The following NCOA3 variants were observed in gnomAD, a reference collection of about 807,000 sequenced individuals.
NCOA3 encodes the protein CBP-interacting protein.
In NCOA3, 51 loss-of-function variants were observed where a neutral mutation model predicts 158.8. That is an observed-to-expected ratio of 0.32 (90% CI 0.26 to 0.41). NCOA3 has a LOEUF of 0.41. Ranked by LOEUF, NCOA3 falls within the 10% of genes least tolerant of loss-of-function variation. The pLI, the probability that NCOA3 is intolerant of heterozygous loss-of-function variation, is 1.00. For missense variants in NCOA3, 1,510 were observed against 1,746.6 expected (o/e 0.86, Z 2.41); for synonymous variants, 537 against 592.4 (o/e 0.91, Z 1.36).
intron 1 of NCOA3, among the ~76,000 whole-genome samples, chr20:47,516,047 G>T (rs2146068187): frequency 6.6e-6 from 1 of 152,300 alleles, no homozygotes; most frequent in South Asian, 2.1e-4. Context: ...AGGAAAGAAT[G>T]AGTAGACAGA....
chr20:47,635,714 G>GT lies in NCOA3; in HGVS notation c.1504+2dup. On this transcript the variant is annotated splice_donor_variant, in intron 11 of 22. Transcript: ENST00000371998. LOFTEE classifies it high-confidence loss of function. ...TCACATCAGTTTTCTCCTGTTGCAG[G>GT]TATTTGTGTTGACATTTCCTTTTAT... is the stretch of plus-strand genomic sequence containing the variant. 6.2e-7 allele frequency: 1 copy of GT among 1,606,662 alleles called. No homozygotes were observed. Among genetic ancestry groups the GT allele is most frequent in the Non-Finnish European group, 8.5e-7 (1 of 1,176,708 alleles).
chr20:47,652,297 C>T (rs186942361), intron 20 of NCOA3, 109 bp from the exon 21 acceptor site: 4 of 839,296 alleles, frequency 4.8e-6, no homozygotes. Context: ...CTTATCACTT[C>T]CCTCCACCCC....
chr20:47,642,098 G>T, intron 16 of NCOA3, 115 bp from the exon 17 acceptor site: 3 of 781,214 alleles, frequency 3.8e-6, no homozygotes, highest in Non-Finnish European at 2.0e-6. Context: ...TTTATTATTT[G>T]TGTTTGTAGC....
chr20:47,614,073 A>G (rs55958726), intron 2 of NCOA3, among the ~76,000 whole-genome samples: 70,141 of 151,676 alleles, frequency 0.46, 16,748 homozygotes, highest in Middle Eastern at 0.59. Flanking sequence ...TCCACGTTAT[A>G]AAAGCTCTTC....
intron 1 of NCOA3, among the ~76,000 whole-genome samples, chr20:47,511,550 T>TATATATATATACACACACACACACAC: frequency 5.7e-5 from 3 of 52,270 alleles, no homozygotes; most frequent in Non-Finnish European, 8.0e-5. Flanking sequence ...TATATATATA[T>TATATATATATACACACACACACACAC]ATATATTTCT....
intron 1 of NCOA3, among the ~76,000 whole-genome samples, chr20:47,569,566 C>A (rs2085257062): frequency 1.3e-5 from 2 of 151,800 alleles, no homozygotes; most frequent in South Asian, 4.2e-4. Flanking sequence ...GCCTGTAATC[C>A]CAGCTACTTG....
At chr20:47,614,499 T>G (rs1432005890) in intron 2 of NCOA3, among the ~76,000 whole-genome samples, 1 of 152,182 alleles carries the variant, frequency 6.6e-6, no homozygotes, top group Non-Finnish European at 1.5e-5. Context: ...ACTGTGATTC[T>G]CAAGAAATAC....
At chr20:47,603,511 G>T (rs2085897855) in intron 2 of NCOA3, among the ~76,000 whole-genome samples, 1 of 152,230 alleles carries the variant, frequency 6.6e-6, no homozygotes. Context: ...ACCATGGACG[G>T]CTTAAGTGTT....
intron 1 of NCOA3, among the ~76,000 whole-genome samples, chr20:47,526,126 C>T (rs1460615747): frequency 2.7e-5 from 4 of 146,828 alleles, no homozygotes; most frequent in Admixed American, 2.0e-4. Flanking sequence ...CCGGACGGGG[C>T]GGCAGGGCAG....
intron 2 of NCOA3, among the ~76,000 whole-genome samples, chr20:47,603,072 C>A (rs2085888224): frequency 1.3e-5 from 2 of 152,186 alleles, no homozygotes; most frequent in South Asian, 4.1e-4. Flanking sequence ...TCTACAAATT[C>A]TTTTGACAGA....
At chr20:47,567,462 G>A (rs2146194416) in intron 1 of NCOA3, among the ~76,000 whole-genome samples, 1 of 151,830 alleles carries the variant, frequency 6.6e-6, no homozygotes, top group Middle Eastern at 3.4e-3. Context: ...CAGTGCAGTG[G>A]TGCAATCACA....
chr20:47,586,976 G>A (rs6012219), intron 2 of NCOA3, among the ~76,000 whole-genome samples: 20,649 of 152,146 alleles, frequency 0.14, 2,021 homozygotes, highest in African/African-American at 0.26. Context: ...CTTTTGCCAA[G>A]CAATAAGCAG....
At chr20:47,537,947 T>C (rs1442678208) in intron 1 of NCOA3, among the ~76,000 whole-genome samples, 1 of 152,038 alleles carries the variant, frequency 6.6e-6, no homozygotes, top group African/African-American at 2.4e-5. Context: ...TGGCTCAATC[T>C]TGGCTTACTG....
intron 1 of NCOA3, among the ~76,000 whole-genome samples, chr20:47,520,259 G>GT (rs72661186): frequency 0.068 from 10,221 of 149,536 alleles, 442 homozygotes; most frequent in Non-Finnish European, 0.097. Flanking sequence ...AGGGTACACT[G>GT]TTTTCTCTTT....
Position 47,533,104 on chromosome 20 carries a change from C to CAAA in NCOA3, c.-99+31112_-99+31114dup, listed in dbSNP as rs11344209. Reference sequence around the variant, plus strand: ...TGGGCAACAGAGCAAGACTCTGTCTCAAAAAAAAAAAAAAAAAAAAAAAAA... The same window carrying CAAA: ...TGGGCAACAGAGCAAGACTCTGTCTCAAAAAAAAAAAAAAAAAAAAAAAAAAAA... On this transcript the variant is annotated intron_variant, in intron 1 of 22. Coordinates refer to ENST00000371998, the MANE Select transcript of NCOA3 (RefSeq NM_181659.3). Among the ~76,000 whole-genome samples, 47 of 39,702 alleles carry CAAA rather than the reference C, an allele frequency of 1.2e-3. No homozygotes were observed. The East Asian group carries it at 0.018, about 15-fold the overall frequency. 26.0% of individuals were successfully genotyped at this position (39,702 alleles called of 152,430 possible).
intron 17 of NCOA3, 75 bp downstream of exon 17, chr20:47,642,459 T>C: frequency 9.9e-7 from 1 of 1,011,204 alleles, no homozygotes; most frequent in Non-Finnish European, 1.3e-6. Flanking sequence ...TGAAGCCACA[T>C]ACAAGAATGC....
intron 1 of NCOA3, among the ~76,000 whole-genome samples, chr20:47,563,888 C>CAAAAAAA (rs72161837): frequency 1.2e-3 from 72 of 57,754 alleles, no homozygotes; most frequent in Non-Finnish European, 1.5e-3. Flanking sequence ...GATTCTGTCT[C>CAAAAAAA]AAAAAAAAAA....
At chr20:47,621,798 C>A (rs1438063047) in intron 2 of NCOA3, among the ~76,000 whole-genome samples, 1 of 151,914 alleles carries the variant, frequency 6.6e-6, no homozygotes, top group African/African-American at 2.4e-5. Context: ...GGATTACAGG[C>A]ACCTGCCACC....
intron 1 of NCOA3, among the ~76,000 whole-genome samples, chr20:47,534,474 G>A (rs1424565930): frequency 6.6e-6 from 1 of 152,120 alleles, no homozygotes. Flanking sequence ...CTGAATTTGA[G>A]TCTTTTCAGG....
Sources: gnomAD v4.1 joint callset for allele counts (sites outside exome capture counted in the v4.1 genomes callset) on GRCh38, gnomAD v4.1.1 for gene constraint, MANE v1.5 for transcripts, NCBI Gene and HGNC (gene_info 2026-07-23, HGNC 2026-07-21) for gene names.